The following DENND1B variants were observed in gnomAD, a reference collection of about 807,000 sequenced individuals.
DENND1B encodes DENN domain-containing protein 1B.
Under a neutral mutation model 90.1 loss-of-function variants are expected in DENND1B, and 59 were observed. The observed-to-expected ratio is 0.65, with a 90% CI of 0.53 to 0.81. DENND1B has a LOEUF of 0.81. Ranked by LOEUF, DENND1B falls within the 40% of genes least tolerant of loss-of-function variation. DENND1B has a pLI of 0.00. For synonymous variants in DENND1B, 337 were observed against 324.6 expected (o/e 1.04, Z -0.41); for missense variants, 862 against 912.6 (o/e 0.94, Z 0.71).
intron 2 of DENND1B, chr1:197,747,305 A>C (rs921972612): frequency 1.7e-6 from 1 of 596,094 alleles, no homozygotes; most frequent in African/African-American, 1.9e-5. Context: ...TCATCTATCG[A>C]GAATCTATGA....
intron 16 of DENND1B, among the ~76,000 whole-genome samples, chr1:197,547,111 CAA>C (rs1341703083): frequency 6.6e-6 from 1 of 152,030 alleles, no homozygotes; most frequent in Non-Finnish European, 1.5e-5. Context: ...AATAAAAAAA[CAA>C]AATCCCAGGC....
Position 197,700,569 on chromosome 1 carries a change from A to T in DENND1B, c.126+14462T>A, listed in dbSNP as rs115896720. 6.9e-3 allele frequency among the ~76,000 whole-genome samples: 1,053 copies of T among 152,268 alleles called. 6 individuals are homozygous for T. Among genetic ancestry groups the T allele is most frequent in the African/African-American group, 0.023 (971 of 41,584 alleles). The stretch of plus-strand genomic sequence containing the variant: ...CAGACATGGGCAAAGACTTCATGAC[A>T]AAAACAACTTCAACAAAAGCCAAAA... On this transcript the variant is annotated intron_variant, in intron 3 of 22. Coordinates refer to ENST00000620048, the MANE Select transcript of DENND1B (RefSeq NM_001195215.2).
intron 20 of DENND1B, among the ~76,000 whole-genome samples, chr1:197,528,765 CAGG>C (rs1669329702): frequency 6.7e-6 from 1 of 150,074 alleles, no homozygotes; most frequent in Non-Finnish European, 1.5e-5. Context: ...GAGGCTGAGG[CAGG>C]AGAATGGCGT....
intron 15 of DENND1B, among the ~76,000 whole-genome samples, chr1:197,580,437 A>G (rs1224853102): frequency 6.6e-6 from 1 of 151,474 alleles, no homozygotes; most frequent in African/African-American, 2.4e-5. Flanking sequence ...CCCTTTTAAT[A>G]ATTTTTAACA....
intron 2 of DENND1B, among the ~76,000 whole-genome samples, chr1:197,750,293 T>C (rs1043929525): frequency 1.3e-5 from 2 of 151,838 alleles, no homozygotes; most frequent in Non-Finnish European, 2.9e-5. Context: ...ACAATAGATA[T>C]GACATAATCA....
intron 2 of DENND1B, among the ~76,000 whole-genome samples, chr1:197,742,046 C>T (rs1663263837): frequency 6.6e-6 from 1 of 152,086 alleles, no homozygotes; most frequent in Admixed American, 6.6e-5. Flanking sequence ...TAAATTAGTA[C>T]ACAAATTTAC....
intron 2 of DENND1B, among the ~76,000 whole-genome samples, chr1:197,739,900 C>T (rs1663056438): frequency 6.6e-6 from 1 of 152,162 alleles, no homozygotes; most frequent in Non-Finnish European, 1.5e-5. Flanking sequence ...TCTAAGAAAT[C>T]AGACCTTTAC....
At chr1:197,550,359 C>T (rs1671125233) in intron 16 of DENND1B, among the ~76,000 whole-genome samples, 1 of 152,088 alleles carries the variant, frequency 6.6e-6, no homozygotes, top group Non-Finnish European at 1.5e-5. Flanking sequence ...CTGGCCACTA[C>T]TGGCTGTGTG....
chr1:197,520,511 T>C (rs1348789606), intron 20 of DENND1B, among the ~76,000 whole-genome samples: 1 of 151,952 alleles, frequency 6.6e-6, no homozygotes, highest in East Asian at 1.9e-4. Flanking sequence ...AATATAACTG[T>C]AACTACATAT....
chr1:197,750,718 T>C (rs531231799), intron 2 of DENND1B, among the ~76,000 whole-genome samples: 14 of 152,244 alleles, frequency 9.2e-5, no homozygotes, highest in Non-Finnish European at 1.9e-4. Context: ...TCTATTCATA[T>C]AAAAGTAAAG....
intron 2 of DENND1B, among the ~76,000 whole-genome samples, chr1:197,733,010 T>C (rs1009130419): frequency 2.0e-5 from 3 of 152,194 alleles, no homozygotes; most frequent in Non-Finnish European, 4.4e-5. Context: ...AGATATGCAG[T>C]GTCCTACTTC....
intron 2 of DENND1B, chr1:197,735,529 T>C: frequency 3.1e-6 from 5 of 1,611,776 alleles, no homozygotes; most frequent in Middle Eastern, 1.7e-4. Context: ...GTGTGAACTA[T>C]GAAACATTCC....
chr1:197,565,311 A>T (rs1672535351), intron 15 of DENND1B, among the ~76,000 whole-genome samples: 2 of 152,040 alleles, frequency 1.3e-5, no homozygotes, highest in African/African-American at 4.8e-5. Context: ...TTATTATGTC[A>T]GGGAAAGTAG....
intron 2 of DENND1B, chr1:197,733,965 C>T: frequency 2.1e-6 from 1 of 481,566 alleles, no homozygotes; most frequent in Non-Finnish European, 2.7e-6. Flanking sequence ...ATTCTAATCT[C>T]TTGCATTTAA....
intron 10 of DENND1B, among the ~76,000 whole-genome samples, chr1:197,628,656 A>C (rs537748565): frequency 9.6e-4 from 146 of 152,306 alleles, no homozygotes; most frequent in Non-Finnish European, 1.7e-3. Context: ...CAATGGCAAC[A>C]AAAGCCAAAA....
At chr1:197,729,017 A>G (rs1661905827) in intron 2 of DENND1B, among the ~76,000 whole-genome samples, 1 of 152,106 alleles carries the variant, frequency 6.6e-6, no homozygotes, top group Non-Finnish European at 1.5e-5. Flanking sequence ...GGATTTACTT[A>G]TACTCCAACA....
chr1:197,781,953 A>G, the DENND1B span, among the ~76,000 whole-genome samples: 1 of 152,184 alleles, frequency 6.6e-6, no homozygotes, highest in Non-Finnish European at 1.5e-5. Flanking sequence ...TGCCTTTTTC[A>G]GGTGATTTGC....
rs1220428485 is a variant in DENND1B, at chr1:197,775,223, C to T, written c.-68G>A. 73 of 1,202,242 alleles carry T rather than the reference C, an allele frequency of 6.1e-5. No homozygotes were observed. The highest frequency in any genetic ancestry group is 7.3e-5 in the Non-Finnish European group (70 of 953,306). 74.5% of individuals were successfully genotyped at this position (1,202,242 alleles called of 1,614,324 possible). The stretch of plus-strand genomic sequence containing the variant: ...CTGGCCTGGAAGCCCGCAGCCCGGC[C>T]GCGCGAGGGTCGCGCCGTCCCCGCC... On this transcript the variant is annotated 5_prime_UTR_variant, in exon 1 of 23. Transcript: ENST00000620048.
In DENND1B at chr1:197,734,945, G is replaced by A. The variant is rs950537047; in HGVS notation, c.83-19871C>T. 3.0e-6 allele frequency: 3 copies of A among 984,892 alleles called. No individual in the cohort carries two copies. The African/African-American group carries it at 5.3e-5, about 17-fold the overall frequency. 61.0% of individuals were successfully genotyped at this position (984,892 alleles called of 1,614,324 possible). On this transcript the variant is annotated intron_variant, in intron 2 of 22. Transcript: ENST00000620048. ...ATAGACACATGAAAATCTAAGCCTGGCAAACAAAAATATTTAAATTAAAGA... is the reference window on the plus strand; with the variant it reads ...ATAGACACATGAAAATCTAAGCCTGACAAACAAAAATATTTAAATTAAAGA...
Sources: gnomAD v4.1 joint callset for allele counts (sites outside exome capture counted in the v4.1 genomes callset) on GRCh38, gnomAD v4.1.1 for gene constraint, MANE v1.5 for transcripts, NCBI Gene and HGNC (gene_info 2026-07-23, HGNC 2026-07-21) for gene names.